The following DEPDC7 variants were observed in gnomAD, a reference collection of about 807,000 sequenced individuals.
The protein encoded by DEPDC7 is DEP domain-containing protein 7.
A neutral mutation model predicts 56.6 loss-of-function variants in DEPDC7; 41 were observed. The ratio of observed to expected loss-of-function variants is 0.72; its 90% CI spans 0.56 to 0.94. The LOEUF is 0.94. Ranked by LOEUF, DEPDC7 falls within the 40% of genes least tolerant of loss-of-function variation. The pLI is 0.00. For missense variants in DEPDC7, 522 were observed against 596.3 expected, an observed-to-expected ratio of 0.88 and a Z score of 1.30; for synonymous variants, 185 against 208.8, an observed-to-expected ratio of 0.89 and a Z score of 0.98.
intron 8 of DEPDC7, 122 bp downstream of exon 8, chr11:33,033,089 G>C (rs969647682): frequency 2.4e-5 from 23 of 963,552 alleles, no homozygotes; most frequent in Admixed American, 1.5e-4. Context: ...TCTCCTCAGA[G>C]TTATTCATAC....
At chr11:33,024,461 C>G (rs1263083571) in intron 1 of DEPDC7, among the ~76,000 whole-genome samples, 1 of 149,204 alleles carries the variant, frequency 6.7e-6, no homozygotes, top group African/African-American at 2.5e-5. Context: ...TACAATCATG[C>G]GTAGTGTAAT....
chr11:33,019,672 GA>G (rs1393977184), intron 1 of DEPDC7, among the ~76,000 whole-genome samples: 1 of 151,210 alleles, frequency 6.6e-6, no homozygotes, highest in Non-Finnish European at 1.5e-5. Flanking sequence ...TCTCAAAAAA[GA>G]AAAAAAAGTA....
rs748128270 is a variant in DEPDC7, at chr11:33,031,381, A to G, written c.786A>G (p.Glu262=). 3.7e-6 allele frequency: 6 copies of G among 1,613,464 alleles called. No individual in the cohort carries two copies. In the South Asian group the frequency reaches 6.6e-5, roughly 18 times the overall value. ...AATCTTCCCCTCTCCCCTATAGGGA[A>G]GATGAGTGGCTCTCGGCAGCAATTG... The part of the protein sequence containing the change: ...GILKAYSDSQ[E]DEWLSAAIDC... Residue 262 remains glutamate, a synonymous_variant, in exon 5 of 9, where the codon GAA becomes GAG. Transcript: ENST00000241051.
intron 5 of DEPDC7, among the ~76,000 whole-genome samples, 185 bp downstream of exon 5, chr11:33,031,774 G>A (rs1389918405): frequency 1.3e-5 from 2 of 152,200 alleles, no homozygotes; most frequent in Non-Finnish European, 2.9e-5. Context: ...AAGCTCTAAA[G>A]TTATGCAGAA....
chr11:33,031,906 A>G (rs1853636940), intron 5 of DEPDC7, among the ~76,000 whole-genome samples: 1 of 152,192 alleles, frequency 6.6e-6, no homozygotes, highest in Admixed American at 6.5e-5. Flanking sequence ...CAATCTCTTC[A>G]AAATGGCAGA....
rs150306284 is a variant in DEPDC7, at chr11:33,022,917, C to T, written c.74-2742C>T. Among the ~76,000 whole-genome samples, 541 of 152,270 alleles carry T rather than the reference C, an allele frequency of 3.6e-3. 5 individuals carry two copies. Among genetic ancestry groups the T allele is most frequent in the Non-Finnish European group, 5.8e-3 (393 of 68,028 alleles). ...CAATTACTTCCATCTTTGTTTAGTA[C>T]TGGCTTATGAAATATCTTCAAATTT... is the stretch of plus-strand genomic sequence containing the variant. On this transcript the variant is annotated intron_variant, in intron 1 of 8. Coordinates refer to ENST00000241051, the MANE Select transcript of DEPDC7 (RefSeq NM_001077242.2).
chr11:33,026,536 G>T (rs923307580), intron 2 of DEPDC7: 2 of 203,176 alleles, frequency 9.8e-6, no homozygotes, highest in Admixed American at 5.2e-5. Flanking sequence ...CTGTGCAGTG[G>T]TGACACAGAG....
intron 1 of DEPDC7, among the ~76,000 whole-genome samples, chr11:33,021,850 T>C (rs1264940907): frequency 2.0e-5 from 3 of 152,214 alleles, no homozygotes; most frequent in Non-Finnish European, 4.4e-5. Context: ...TTATACAACC[T>C]GCAGAACCTC....
At chr11:33,026,152 TGGCTAA>T in intron 2 of DEPDC7, 103 bp downstream of exon 2, 1 of 1,333,540 alleles carries the variant, frequency 7.5e-7, no homozygotes, top group Non-Finnish European at 1.1e-6. Context: ...GCAGTAAATG[TGGCTAA>T]AATATGGGTC....
chr11:33,017,551 G>T (rs1490828455), intron 1 of DEPDC7, among the ~76,000 whole-genome samples: 2 of 152,148 alleles, frequency 1.3e-5, no homozygotes, highest in African/African-American at 4.8e-5. Flanking sequence ...GGACGGAGAG[G>T]GGCCCGCTGT....
At chr11:33,019,082 T>TG (rs1316613839) in intron 1 of DEPDC7, among the ~76,000 whole-genome samples, 1 of 152,212 alleles carries the variant, frequency 6.6e-6, no homozygotes, top group Non-Finnish European at 1.5e-5. Flanking sequence ...GAGTCCACAC[T>TG]GGTCTAACTC....
chr11:33,032,463 T>G lies in DEPDC7; in HGVS notation c.1122T>G (p.Phe374Leu), dbSNP rs1853642662. 1.3e-6 allele frequency: 2 copies of G among 1,560,316 alleles called. No homozygotes were observed. The highest frequency in any genetic ancestry group is 8.6e-7 in the Non-Finnish European group (1 of 1,165,018). The change falls in exon 6 of 9, where the codon TTT becomes TTG. Residue 374 changes from phenylalanine to leucine, a missense_variant. Transcript: ENST00000241051. ...CTGTTGCAGCAAATCCTTCTGAGTT[T>G]AAATTACAGAAAGAAGTAAGTCTTT... The part of the protein sequence containing the change: ...FMAVAANPSE[F>L]KLQKESDNRM...
chr11:33,016,437 G>A (rs1182371543), intron 1 of DEPDC7: 5 of 1,562,376 alleles, frequency 3.2e-6, no homozygotes, highest in Non-Finnish European at 4.3e-6. Flanking sequence ...AAACCTTGAC[G>A]ACACAGTATG....
chr11:33,016,358 C>T (rs1461975912), intron 1 of DEPDC7: 9 of 1,423,622 alleles, frequency 6.3e-6, no homozygotes, highest in African/African-American at 1.4e-5. Flanking sequence ...GGGATATGCT[C>T]CGCGGTGCTA....
At chr11:33,016,710 G>A in intron 1 of DEPDC7, 1 of 864,468 alleles carries the variant, frequency 1.2e-6, no homozygotes, top group East Asian at 2.5e-5. Flanking sequence ...CGTGTCTTTT[G>A]GGGGCAGTTG....
At chr11:33,016,097 C>A in intron 1 of DEPDC7, 69 bp downstream of exon 1, 1 of 1,276,926 alleles carries the variant, frequency 7.8e-7, no homozygotes. Flanking sequence ...GGTCCCGGCG[C>A]GGGGCGGGCG....
intron 1 of DEPDC7, among the ~76,000 whole-genome samples, chr11:33,020,941 T>C (rs1036797787): frequency 2.0e-5 from 3 of 152,240 alleles, no homozygotes; most frequent in Non-Finnish European, 4.4e-5. Flanking sequence ...CCATTTGTTA[T>C]GATGCTTTTA....
chr11:33,021,770 C>T lies in DEPDC7; in HGVS notation c.74-3889C>T, dbSNP rs890468733. 9.3e-4 allele frequency among the ~76,000 whole-genome samples: 142 copies of T among 152,170 alleles called. 3 individuals are homozygous for T. Among genetic ancestry groups the T allele is most frequent in the Admixed American group, 9.3e-3 (142 of 15,278 alleles). ...GCTGCATTGTATCATGCCTGGAGGA[C>T]TCTGGAAACCTGTGGTTCACAGGTG... On this transcript the variant is annotated intron_variant, in intron 1 of 8. Transcript: ENST00000241051.
At chr11:33,024,895 C>T (rs372224615) in intron 1 of DEPDC7, among the ~76,000 whole-genome samples, 1 of 151,848 alleles carries the variant, frequency 6.6e-6, no homozygotes, top group Non-Finnish European at 1.5e-5. Context: ...CCAGTACTAC[C>T]TCTTTCAATA....
Sources: gnomAD v4.1 joint callset for allele counts (sites outside exome capture counted in the v4.1 genomes callset) on GRCh38, gnomAD v4.1.1 for gene constraint, MANE v1.5 for transcripts, NCBI Gene and HGNC (gene_info 2026-07-23, HGNC 2026-07-21) for gene names.